The following BRIP1 variants were observed in gnomAD, a reference collection of about 807,000 sequenced individuals.
The protein encoded by BRIP1 is Fanconi anemia group J protein.
In BRIP1, 88 loss-of-function variants were observed where a neutral mutation model predicts 119.7. The observed-to-expected ratio is 0.74, with a 90% CI of 0.62 to 0.88. The LOEUF is 0.88. Ranked by LOEUF, BRIP1 falls within the 40% of genes least tolerant of loss-of-function variation. BRIP1 has a pLI of 0.00. For synonymous variants in BRIP1, 443 were observed against 496.5 expected (o/e 0.89, Z 1.43); for missense variants, 1,259 against 1,455.4 (o/e 0.87, Z 2.20).
intron 5 of BRIP1, 152 bp from the exon 6 acceptor site, chr17:61,847,372 G>T: frequency 1.3e-6 from 1 of 784,332 alleles, no homozygotes; most frequent in Non-Finnish European, 2.1e-6. Flanking sequence ...TTTTAAAAAT[G>T]CAAATAAGCA....
intron 17 of BRIP1, among the ~76,000 whole-genome samples, chr17:61,714,416 C>T (rs914066934): frequency 2.6e-5 from 4 of 152,140 alleles, no homozygotes; most frequent in Non-Finnish European, 2.9e-5. Flanking sequence ...ACTTTTTCTA[C>T]ACTTATATAC....
In BRIP1 at chr17:61,713,507, T is replaced by A. The variant is rs117789393; in HGVS notation, c.2492+2444A>T. On this transcript the variant is annotated intron_variant, in intron 17 of 19. Coordinates refer to ENST00000259008, the MANE Select transcript of BRIP1 (RefSeq NM_032043.3). The surrounding 1 kb of genome is among the most constrained non-coding windows in gnomAD (Gnocchi z 4.9). ...TCCTGTGTAGGCCTAGGATACTACA[T>A]GAGTGTTTATGTCTTCATTTTTTTT... Among the ~76,000 whole-genome samples, 216 of 151,954 alleles carry A rather than the reference T, an allele frequency of 1.4e-3. 4 individuals carry two copies. In the East Asian group the frequency reaches 0.036, roughly 25 times the overall value.
rs59414906 is a variant in BRIP1, at chr17:61,804,954, CTGTGTGTGTGTGTGTGTGTGTG to C, written c.918+3491_919-3481del. ...GGCAGGATGAAATGTCTCTCTCTTT[CTGTGTGTGTGTGTGTGTGTGTG>C]TGTGTGTGTGTGTGTGTGTGTGTGT... On this transcript the variant is annotated intron_variant, in intron 7 of 19. Transcript: ENST00000259008. This position sits in a 1 kb window ranked among gnomAD's most constrained non-coding sequence, Gnocchi z 4.5. Among the ~76,000 whole-genome samples, 6 of 139,152 alleles carry C rather than the reference CTGTGTGTGTGTGTGTGTGTGTG, an allele frequency of 4.3e-5. No individual in the cohort carries two copies. Among genetic ancestry groups the C allele is most frequent in the African/African-American group, 1.6e-4 (6 of 36,916 alleles). 91.3% of individuals were successfully genotyped at this position (139,152 alleles called of 152,430 possible). A position where few individuals can be genotyped will look rare whatever the true frequency, so the allele number is the denominator to read the frequency against.
intron 9 of BRIP1, among the ~76,000 whole-genome samples, chr17:61,797,523 T>C (rs1394685980): frequency 6.6e-6 from 1 of 151,942 alleles, no homozygotes; most frequent in East Asian, 1.9e-4. Flanking sequence ...CTAAGATCGA[T>C]GAGGGAAGAA....
rs1055854202 is a variant in BRIP1, at chr17:61,684,341, C to T, written c.2906-201G>A. ...ATCTTAGGTCTCTAATGTTTCCTAG[C>T]CCAAGTTATAATGCTGTCTGGTAAA... On this transcript the variant is annotated intron_variant, in intron 19 of 19. Transcript: ENST00000259008. This position sits in a 1 kb window ranked among gnomAD's most constrained non-coding sequence, Gnocchi z 4.5. 1.3e-5 allele frequency among the ~76,000 whole-genome samples: 2 copies of T among 152,064 alleles called. No homozygotes were observed. Among genetic ancestry groups the T allele is most frequent in the Non-Finnish European group, 2.9e-5 (2 of 68,020 alleles).
rs1330306340 is a variant in BRIP1, at chr17:61,760,424, G to T, written c.2098-15833C>A. ...TAAGCCCAAAATTAACAGAAGGAAAGAAGTAATAAAGATCAGAGAATAAAT... is the reference window on the plus strand; with the variant it reads ...TAAGCCCAAAATTAACAGAAGGAAATAAGTAATAAAGATCAGAGAATAAAT... On this transcript the variant is annotated intron_variant, in intron 14 of 19. Transcript: ENST00000259008. This position sits in a 1 kb window ranked among gnomAD's most constrained non-coding sequence, Gnocchi z 4.6. Among the ~76,000 whole-genome samples the T allele has an allele frequency of 6.6e-6, 1 of 151,408 alleles. No homozygotes were observed. Among genetic ancestry groups the T allele is most frequent in the Non-Finnish European group, 1.5e-5 (1 of 67,752 alleles).
intron 6 of BRIP1, among the ~76,000 whole-genome samples, chr17:61,819,206 TTTA>T (rs1309644684): frequency 2.0e-5 from 3 of 150,524 alleles, no homozygotes; most frequent in African/African-American, 4.9e-5. Flanking sequence ...AAAAAAGGCT[TTTA>T]TCCAAAACAC....
chr17:61,791,119 T>A (rs558064857), intron 10 of BRIP1, among the ~76,000 whole-genome samples: 1 of 152,240 alleles, frequency 6.6e-6, no homozygotes, highest in East Asian at 1.9e-4. Flanking sequence ...ACTATTGTGA[T>A]CATGTTGGCA....
At chr17:61,716,831 G>GAAATAATAGGCTTCCAT (rs371307141) in intron 16 of BRIP1, among the ~76,000 whole-genome samples, 1 of 150,208 alleles carries the variant, frequency 6.7e-6, no homozygotes. Context: ...TCCACTACTG[G>GAAATAATAGGCTTCCAT]ATTATTAGCT....
In BRIP1 at chr17:61,789,813, T is replaced by C. The variant is rs539952704; in HGVS notation, c.1473+3784A>G. The stretch of plus-strand genomic sequence containing the variant: ...CAGAAATATATTTATAATAAGCAAA[T>C]ATGGGCATAGAAGAAGGCATAAGTA... On this transcript the variant is annotated intron_variant, in intron 10 of 19. Coordinates refer to ENST00000259008, the MANE Select transcript of BRIP1 (RefSeq NM_032043.3). This position sits in a 1 kb window ranked among gnomAD's most constrained non-coding sequence, Gnocchi z 4.8. Among the ~76,000 whole-genome samples, 14 of 152,258 alleles carry C rather than the reference T, an allele frequency of 9.2e-5. No individual in the cohort carries two copies. Among genetic ancestry groups the C allele is most frequent in the South Asian group, 6.2e-4 (3 of 4,828 alleles).
Position 61,695,622 on chromosome 17 carries a change from G to T in BRIP1, c.2493-2110C>A, listed in dbSNP as rs2061508870. Reference sequence around the variant, plus strand: ...TAAGTCTTCTAATCCATGAACGTGGGATTCTTTCCATTTATTTAGAATTTT... The same window carrying T: ...TAAGTCTTCTAATCCATGAACGTGGTATTCTTTCCATTTATTTAGAATTTT... On this transcript the variant is annotated intron_variant, in intron 17 of 19. Transcript: ENST00000259008. This position sits in a 1 kb window ranked among gnomAD's most constrained non-coding sequence, Gnocchi z 4.3. Among the ~76,000 whole-genome samples, 1 of 152,000 alleles carries T rather than the reference G, an allele frequency of 6.6e-6. No individual in the cohort carries two copies. Among genetic ancestry groups the T allele is most frequent in the African/African-American group, 2.4e-5 (1 of 41,418 alleles).
rs2061651373 is a variant in BRIP1, at chr17:61,703,756, T to C, written c.2493-10244A>G. On this transcript the variant is annotated intron_variant, in intron 17 of 19. Coordinates refer to ENST00000259008, the MANE Select transcript of BRIP1 (RefSeq NM_032043.3). This position sits in a 1 kb window ranked among gnomAD's most constrained non-coding sequence, Gnocchi z 5.0. ...ATTTCCTAGGTTTTCTTCAAGGGTT[T>C]TTAGTTTAAGGTTTTACATTTAAGT... Among the ~76,000 whole-genome samples the C allele has an allele frequency of 6.6e-6, 1 of 152,198 alleles. No homozygotes were observed. The highest frequency in any genetic ancestry group is 1.5e-5 in the Non-Finnish European group (1 of 68,046).
At position 61,748,953 on chromosome 17, in the gene BRIP1, C is replaced by T. The variant is rs544496582; in HGVS notation, c.2098-4362G>A. ...GAGATTGAGACCATCCTGGCTAACA[C>T]GGTGAAACCCCATCTCTACTAAAAA... On this transcript the variant is annotated intron_variant, in intron 14 of 19. Coordinates refer to ENST00000259008, the MANE Select transcript of BRIP1 (RefSeq NM_032043.3). This position sits in a 1 kb window ranked among gnomAD's most constrained non-coding sequence, Gnocchi z 4.7. Among the ~76,000 whole-genome samples the T allele has an allele frequency of 8.5e-5, 13 of 152,064 alleles. No individual in the cohort carries two copies. The South Asian group carries it at 1.2e-3, about 15-fold the overall frequency.
Position 61,685,863 on chromosome 17 carries a change from T to C in BRIP1, c.2878A>G (p.Ser960Gly), listed in dbSNP as rs1603276532. 1 of 1,613,196 alleles carries C rather than the reference T, an allele frequency of 6.2e-7. No homozygotes were observed. The highest frequency in any genetic ancestry group is 8.5e-7 in the Non-Finnish European group (1 of 1,179,582). The change falls in exon 19 of 20, where the codon AGT (serine) becomes GGT (glycine). Residue 960 changes from serine (S) to glycine (G), a missense_variant. Coordinates refer to ENST00000259008, the MANE Select transcript of BRIP1 (RefSeq NM_032043.3). ...KIITKNSPLPSSIISRKEKND... is the reference protein window; with the variant it reads ...KIITKNSPLPGSIISRKEKND... ...TTCTCCTTTCTGGAGATAATGCTAC[T>C]TGGTAGAGGTGAATTTTTGGTAATA...
At position 61,803,629 on chromosome 17, in the gene BRIP1, A is replaced by T. The variant is rs2078029234; in HGVS notation, c.919-2155T>A. Among the ~76,000 whole-genome samples, 1 of 152,194 alleles carries T rather than the reference A, an allele frequency of 6.6e-6. No homozygotes were observed. Among genetic ancestry groups the T allele is most frequent in the South Asian group, 2.1e-4 (1 of 4,826 alleles). On this transcript the variant is annotated intron_variant, in intron 7 of 19. Transcript: ENST00000259008. The surrounding 1 kb of genome is among the most constrained non-coding windows in gnomAD (Gnocchi z 4.3). ...CAGAGTGAGATCCTGTCTCAAAAAA[A>T]AATACTCATTATGTGCATTAATAAA...
rs786202637 is a variant in BRIP1, at chr17:61,801,279, G to T, written c.1114C>A (p.Leu372Ile). ...ADIIFCPYNY[L>I]LDAQIRESMD... is the part of the protein sequence containing the mutation. The stretch of plus-strand genomic sequence containing the variant: ...CTTTCCCTTATTTGTGCATCTAGAA[G>T]ATAGTTGTAGGGACAAAATATGATG... Residue 372 changes from leucine to isoleucine, a missense_variant, in exon 8 of 20, where the codon CTT becomes ATT. This residue lies in a region of BRIP1 where 501 missense variants were observed against 544.0 expected (regional missense o/e 0.92). Coordinates refer to ENST00000259008, the MANE Select transcript of BRIP1 (RefSeq NM_032043.3). 4 of 1,613,722 alleles carry T rather than the reference G, an allele frequency of 2.5e-6. No homozygotes were observed. The East Asian group carries it at 6.7e-5, about 27-fold the overall frequency.
chr17:61,836,360 C>T (rs1442522281), intron 6 of BRIP1, among the ~76,000 whole-genome samples: 3 of 152,062 alleles, frequency 2.0e-5, no homozygotes, highest in African/African-American at 4.8e-5. Context: ...AAGTGATCCA[C>T]CTACCTCAGC....
chr17:61,836,871 C>G (rs1253917300), intron 6 of BRIP1, among the ~76,000 whole-genome samples: 6 of 152,124 alleles, frequency 3.9e-5, no homozygotes, highest in Admixed American at 3.9e-4. Flanking sequence ...AAAAAGTCAT[C>G]TGGAAGAGTT....
rs542324137 is a variant in BRIP1, at chr17:61,689,847, C to A, written c.2575+3583G>T. Among the ~76,000 whole-genome samples, 1 of 151,802 alleles carries A rather than the reference C, an allele frequency of 6.6e-6. No homozygotes were observed. The highest frequency in any genetic ancestry group is 1.9e-4 in the East Asian group (1 of 5,162). ...GCAACATAGTGAGACCCCATCTCTA[C>A]AAAAAAAATTAAAAATTAGCCAGGT... On this transcript the variant is annotated intron_variant, in intron 18 of 19. Transcript: ENST00000259008. The surrounding 1 kb of genome is among the most constrained non-coding windows in gnomAD (Gnocchi z 4.5).
Sources: gnomAD v4.1 joint callset for allele counts (sites outside exome capture counted in the v4.1 genomes callset) on GRCh38, gnomAD v4.1.1 for gene constraint, gnomAD v4.1.1 regional missense constraint, Gnocchi (gnomAD v3.1) non-coding constraint, MANE v1.5 for transcripts, NCBI Gene and HGNC (gene_info 2026-07-23, HGNC 2026-07-21) for gene names.